Variants in RAP1GAP2 observed in about 807,000 individuals in gnomAD.
RAP1GAP2 encodes RAP1 GTPase activating protein 2, also known as rap1 GTPase-activating protein 2.
Under a neutral mutation model 95.0 loss-of-function variants are expected in RAP1GAP2, and 27 were observed. The observed-to-expected ratio is 0.28, with a 90% confidence interval of 0.21 to 0.39. The LOEUF (loss-of-function observed/expected upper bound fraction) is 0.39. Among genes scored for constraint, RAP1GAP2 ranks in the 10% least tolerant of loss-of-function variants. The probability of loss-of-function intolerance (pLI) is 1.00; values close to 1 mark genes in which losing one functional copy is unlikely to be tolerated. For synonymous variants in RAP1GAP2, 373 were observed against 380.9 expected (o/e 0.98, Z 0.24); for missense variants, 771 against 970.0 (o/e 0.79, Z 2.72).
chr17:2,853,014 G>GC (rs1220279549), intron 2 of RAP1GAP2, among the ~76,000 whole-genome samples: 6 of 151,830 alleles, frequency 4.0e-5, no homozygotes, highest in Non-Finnish European at 8.8e-5. Context: ...CGGAGTGGGG[G>GC]GCGCCCGGCC....
In RAP1GAP2 at chr17:2,903,753, A is replaced by G. The variant is rs2042100913; in HGVS notation, c.81-1531A>G. 1.3e-5 allele frequency among the ~76,000 whole-genome samples: 1 copy of G among 78,268 alleles called. No homozygotes were observed. Among genetic ancestry groups the G allele is most frequent in the Non-Finnish European group, 3.3e-5 (1 of 30,402 alleles). The allele number at this position is 78,268 out of a possible 152,430, so 51.3% of individuals were successfully genotyped here. A position where few individuals can be genotyped will look rare whatever the true frequency, so the allele number is the denominator to read the frequency against. ...CTGATGTGGCTCCCTAGTTGGCCAC[A>G]GGGAGGGCTGGCTGGTCAACTGCAG... On this transcript the variant is annotated intron_variant, in intron 2 of 24. Transcript: ENST00000254695. The surrounding 1 kb of genome is among the most constrained non-coding windows in gnomAD (Gnocchi z 4.1).
chr17:2,768,031 C>A (rs2068310683), intron 1 of RAP1GAP2, among the ~76,000 whole-genome samples: 1 of 152,202 alleles, frequency 6.6e-6, no homozygotes, highest in Admixed American at 6.6e-5. Context: ...CGTACGTGGC[C>A]AATTTATTAT....
At chr17:2,920,620 C>G (rs1337300003) in intron 3 of RAP1GAP2, among the ~76,000 whole-genome samples, 1 of 152,194 alleles carries the variant, frequency 6.6e-6, no homozygotes, top group Non-Finnish European at 1.5e-5. Context: ...CGGAGCTCAC[C>G]CTGTAGGGTT....
rs187220089 is a variant in RAP1GAP2, at chr17:2,837,354, C to T, written c.80+36804C>T. On this transcript the variant is annotated intron_variant, in intron 2 of 24. Coordinates refer to ENST00000254695, the MANE Select transcript of RAP1GAP2 (RefSeq NM_015085.5). ...GCTGGGTAGGTTGAGAAAGGGGCAG[C>T]CCCGTATAAACCACAAAAACCAACA... Among the ~76,000 whole-genome samples the T allele has an allele frequency of 2.5e-3, 374 of 151,990 alleles. 2 individuals are homozygous for T. The highest frequency in any genetic ancestry group is 3.7e-3 in the Non-Finnish European group (249 of 67,974).
intron 2 of RAP1GAP2, among the ~76,000 whole-genome samples, chr17:2,865,486 C>T (rs938756034): frequency 6.6e-6 from 1 of 152,182 alleles, no homozygotes; most frequent in African/African-American, 2.4e-5. Flanking sequence ...CAGAAATTCT[C>T]ACTTCTCGAT....
intron 2 of RAP1GAP2, among the ~76,000 whole-genome samples, chr17:2,839,648 C>G (rs2071286143): frequency 6.6e-6 from 1 of 152,148 alleles, no homozygotes; most frequent in Admixed American, 6.6e-5. Context: ...GACTGTTTCT[C>G]AGACTTTGCT....
At chr17:2,858,131 A>T (rs565226124) in intron 2 of RAP1GAP2, among the ~76,000 whole-genome samples, 7 of 152,192 alleles carry the variant, frequency 4.6e-5, no homozygotes, top group African/African-American at 1.7e-4. Context: ...AGATGTGGAT[A>T]AAGTCACTGT....
At chr17:2,811,703 G>T (rs1351723299) in intron 2 of RAP1GAP2, among the ~76,000 whole-genome samples, 1 of 152,044 alleles carries the variant, frequency 6.6e-6, no homozygotes, top group South Asian at 2.1e-4. Context: ...TCAGTCTCCC[G>T]AGTAGCTGGG....
At chr17:2,772,862 T>TA (rs1479653540), upstream of RAP1GAP2, among the ~76,000 whole-genome samples, 5 of 147,692 alleles carry the variant, frequency 3.4e-5, no homozygotes, top group African/African-American at 1.2e-4. Flanking sequence ...TTTCTTTTTT[T>TA]TTTTTTTTTT....
chr17:2,774,253 C>A (rs1199421120), upstream of RAP1GAP2, among the ~76,000 whole-genome samples: 2 of 152,112 alleles, frequency 1.3e-5, no homozygotes, highest in African/African-American at 4.8e-5. Context: ...GAGCTCAGGG[C>A]AGAGTCCAGA....
Position 2,984,273 on chromosome 17 carries a change from G to A in RAP1GAP2, c.730-710G>A, listed in dbSNP as rs781363292. Among the ~76,000 whole-genome samples, 164 of 152,188 alleles carry A rather than the reference G, an allele frequency of 1.1e-3. 1 individual carries two copies. Among genetic ancestry groups the A allele is most frequent in the Admixed American group, 1.7e-3 (26 of 15,294 alleles). On this transcript the variant is annotated intron_variant, in intron 10 of 24. Transcript: ENST00000254695. ...TGAGGCAGGAGACTTGCTTGAACCC[G>A]GGAGGCGGAGGTTGCAGTGAGCCAA...
rs569907751 is a variant in RAP1GAP2 at position 2,878,750 on chromosome 17, T to C, written c.81-26534T>C. 3.3e-5 allele frequency among the ~76,000 whole-genome samples: 5 copies of C among 152,316 alleles called. No individual in the cohort carries two copies. The East Asian group carries it at 9.7e-4, about 29-fold the overall frequency. On this transcript the variant is annotated intron_variant, in intron 2 of 24. Transcript: ENST00000254695. ...TGATGCACCTGTCCCAGTGGGCCTG[T>C]CCGGAAGCATTTGGGTATCCCTGCT...
At chr17:2,782,387 A>G (rs938544196) in intron 1 of RAP1GAP2, among the ~76,000 whole-genome samples, 35 of 152,120 alleles carry the variant, frequency 2.3e-4, no homozygotes, top group Admixed American at 2.3e-3. Flanking sequence ...GTGTGTCAGC[A>G]TGCTGTAGGG....
Position 3,003,083 on chromosome 17 carries a change from A to G in RAP1GAP2, c.1201-2286A>G, listed in dbSNP as rs2046217871. 6.6e-6 allele frequency among the ~76,000 whole-genome samples: 1 copy of G among 152,124 alleles called. No individual in the cohort carries two copies. The highest frequency in any genetic ancestry group is 1.5e-5 in the Non-Finnish European group (1 of 68,020). On this transcript the variant is annotated intron_variant, in intron 14 of 24. Coordinates refer to ENST00000254695, the MANE Select transcript of RAP1GAP2 (RefSeq NM_015085.5). The surrounding 1 kb of genome is among the most constrained non-coding windows in gnomAD (Gnocchi z 4.1). ...AGACGCACAGTCTTGAATCCTGACA[A>G]GCCCCTGGTGAGACAAGACCTCTCG...
intron 1 of RAP1GAP2, among the ~76,000 whole-genome samples, chr17:2,780,583 G>A (rs535641667): frequency 6.6e-6 from 1 of 152,316 alleles, no homozygotes; most frequent in Non-Finnish European, 1.5e-5. Context: ...CACAGAGTGG[G>A]GAAGGTGTCC....
intron 22 of RAP1GAP2, among the ~76,000 whole-genome samples, chr17:3,030,093 T>C (rs1357821400): frequency 1.4e-5 from 2 of 147,730 alleles, no homozygotes; most frequent in African/African-American, 2.5e-5. Context: ...ATGTTATAGA[T>C]ACACATAATA....
intron 2 of RAP1GAP2, among the ~76,000 whole-genome samples, chr17:2,894,869 C>G (rs2073835507): frequency 6.6e-6 from 1 of 152,174 alleles, no homozygotes; most frequent in Non-Finnish European, 1.5e-5. Flanking sequence ...TCGGTCTTCC[C>G]CTGGCCCCTC....
In RAP1GAP2 at chr17:3,020,595, G is replaced by A. The variant is rs2046928453; in HGVS notation, c.1751G>A (p.Cys584Tyr). 6.2e-7 allele frequency: 1 copy of A among 1,612,732 alleles called. No homozygotes were observed. The highest frequency in any genetic ancestry group is 8.5e-7 in the Non-Finnish European group (1 of 1,179,404). The change falls in exon 19 of 25, where the codon TGT (cysteine) becomes TAT (tyrosine). Residue 584 changes from cysteine to tyrosine, a missense_variant and splice_region_variant. By Grantham distance (194) the Cys-to-Tyr change is radical. Coordinates refer to ENST00000254695, the MANE Select transcript of RAP1GAP2 (RefSeq NM_015085.5). The part of the protein sequence containing the change: ...SEGQGDSRAR[C>Y]DSTSSTPKTP... Reference sequence around the variant, plus strand: ...GGCCAGGGCGACAGCCGGGCACGATGGTAACTGTTGGGAAACCCCTACCCC... The same window carrying A: ...GGCCAGGGCGACAGCCGGGCACGATAGTAACTGTTGGGAAACCCCTACCCC...
At chr17:2,811,674 T>C (rs1319331983) in intron 2 of RAP1GAP2, among the ~76,000 whole-genome samples, 1 of 152,126 alleles carries the variant, frequency 6.6e-6, no homozygotes, top group Non-Finnish European at 1.5e-5. Flanking sequence ...GCCTCCCGGG[T>C]TCAAGTGATT....
Sources: gnomAD v4.1 joint callset for allele counts (sites outside exome capture counted in the v4.1 genomes callset) on GRCh38, gnomAD v4.1.1 for gene constraint, Gnocchi (gnomAD v3.1) non-coding constraint, MANE v1.5 for transcripts, NCBI Gene and HGNC (gene_info 2026-07-23, HGNC 2026-07-21) for gene names.